Variants in MYL12A observed in about 807,000 individuals in gnomAD.
MYL12A encodes the protein myosin light chain 12A.
In MYL12A, 11 loss-of-function variants were observed where a neutral mutation model predicts 13.3. That is an observed-to-expected ratio of 0.83 (90% CI 0.52 to 1.37). The LOEUF (loss-of-function observed/expected upper bound fraction) is 1.37. Ranked by LOEUF, MYL12A falls within the 40% of genes most tolerant of loss-of-function variation. The pLI is 0.00. For synonymous variants in MYL12A, 51 were observed against 69.9 expected (o/e 0.73, Z 1.35); for missense variants, 146 against 212.3 (o/e 0.69, Z 1.94).
At position 3,253,957 on chromosome 18, in the gene MYL12A, A is replaced by T. The variant is rs754593100; in HGVS notation, c.250A>T (p.Met84Leu). 6.2e-7 allele frequency: 1 copy of T among 1,613,912 alleles called. No homozygotes were observed. Among genetic ancestry groups the T allele is most frequent in the Admixed American group, 1.7e-5 (1 of 60,004 alleles). ...GGCTCCAGGCCCCATCAATTTCACC[A>T]TGTTCCTCACCATGTTTGGTGAGAA... ...NEAPGPINFT[M>L]FLTMFGEKLN... Residue 84 changes from methionine (M) to leucine (L), a missense_variant, in exon 3 of 4, where the codon ATG (methionine) becomes TTG (leucine). Physicochemically the swap from Met to Leu is conservative, Grantham distance 15 (BLOSUM62 2). Transcript: ENST00000217652.
chr18:3,255,588 C>G (rs1358428143), intron 3 of MYL12A, 158 bp from the exon 4 acceptor site: 14 of 888,990 alleles, frequency 1.6e-5, no homozygotes, highest in Admixed American at 3.5e-5. Context: ...AGGCACTTCT[C>G]TGCTGAGGCT....
At chr18:3,252,861 C>T (rs375788135) in intron 1 of MYL12A, among the ~76,000 whole-genome samples, 17 of 152,162 alleles carry the variant, frequency 1.1e-4, no homozygotes, top group East Asian at 1.9e-4. Context: ...TTCTGTCCAC[C>T]GTACTATGGA....
intron 3 of MYL12A, chr18:3,255,529 A>G (rs2081527731): frequency 2.2e-6 from 1 of 458,024 alleles, no homozygotes; most frequent in Non-Finnish European, 3.7e-6. Context: ...AGAATGATAG[A>G]GCAAATGATA....
chr18:3,252,624 T>G, intron 1 of MYL12A: 1 of 439,638 alleles, frequency 2.3e-6, no homozygotes. Flanking sequence ...AGAAACTGGT[T>G]TGGATAGAGT....
In MYL12A at chr18:3,255,753, A is replaced by G; in HGVS notation, c.351A>G (p.Ile117Met). ...ACFDEEATGT[I>M]QEDYLRELLT... ...TTGTTCTTTATTCTCCAGGCACCATACAGGAAGATTACTTGAGAGAGCTGC... is the reference window on the plus strand; with the variant it reads ...TTGTTCTTTATTCTCCAGGCACCATGCAGGAAGATTACTTGAGAGAGCTGC... The change falls in exon 4 of 4, where the codon ATA becomes ATG. Residue 117 changes from isoleucine (I) to methionine (M), a missense_variant. By Grantham distance (10) the Ile-to-Met change is conservative. Transcript: ENST00000217652. 2 of 1,612,894 alleles carry G rather than the reference A, an allele frequency of 1.2e-6. No homozygotes were observed. Among genetic ancestry groups the G allele is most frequent in the Middle Eastern group, 1.7e-4 (1 of 6,054 alleles).
chr18:3,250,594 T>G (rs967910551), intron 1 of MYL12A, among the ~76,000 whole-genome samples: 1 of 152,200 alleles, frequency 6.6e-6, no homozygotes, highest in South Asian at 2.1e-4. Flanking sequence ...TCCAGCCTCC[T>G]TGAAAAAGTA....
Position 3,255,933 on chromosome 18 carries a change from C to G in MYL12A, c.*15C>G, listed in dbSNP as rs370165204. On this transcript the variant is annotated 3_prime_UTR_variant, in exon 4 of 4. Coordinates refer to ENST00000217652, the MANE Select transcript of MYL12A (RefSeq NM_006471.4). Reference sequence around the variant, plus strand: ...AAGATGACTGAAATAACTTCAAATTCCAGCCAAACGTTCCTTGTTGCCACT... The same window carrying G: ...AAGATGACTGAAATAACTTCAAATTGCAGCCAAACGTTCCTTGTTGCCACT... The G allele has an allele frequency of 5.6e-6, 9 of 1,612,194 alleles. No homozygotes were observed. The highest frequency in any genetic ancestry group is 1.7e-5 in the Admixed American group (1 of 59,782).
chr18:3,251,070 T>TA (rs1041063310), intron 1 of MYL12A, among the ~76,000 whole-genome samples: 3 of 150,720 alleles, frequency 2.0e-5, no homozygotes, highest in African/African-American at 4.9e-5. Context: ...AACTTCATAA[T>TA]AAAATTGATA....
intron 3 of MYL12A, 127 bp from the exon 4 acceptor site, chr18:3,255,619 C>T (rs1339265230): frequency 4.9e-6 from 6 of 1,217,574 alleles, no homozygotes; most frequent in Non-Finnish European, 1.1e-6. Flanking sequence ...GGTGGACACC[C>T]TGTAGTTCAT....
At chr18:3,253,710 C>T (rs2081510116) in intron 2 of MYL12A, 179 bp from the exon 3 acceptor site, 1 of 737,470 alleles carries the variant, frequency 1.4e-6, no homozygotes, top group Non-Finnish European at 2.2e-6. Context: ...CATATACTTT[C>T]CAGACTCTTT....
chr18:3,253,124 C>T (rs1019900803), intron 1 of MYL12A, 109 bp from the exon 2 acceptor site: 3 of 1,213,406 alleles, frequency 2.5e-6, no homozygotes, highest in Non-Finnish European at 3.5e-6. Context: ...GTAGCTCAAA[C>T]ATATCAGGAA....
intron 1 of MYL12A, among the ~76,000 whole-genome samples, chr18:3,251,473 C>G (rs2081484891): frequency 6.6e-6 from 1 of 152,222 alleles, no homozygotes; most frequent in African/African-American, 2.4e-5. Flanking sequence ...CTTTGGCTTG[C>G]AAAGGCGTGA....
chr18:3,248,161 C>T (rs2289608), intron 1 of MYL12A: 84,557 of 152,092 alleles, frequency 0.56, 25,909 homozygotes, highest in Non-Finnish European at 0.69. Context: ...GACTGCCGGG[C>T]CCGCGAAACC....
intron 1 of MYL12A, chr18:3,252,515 A>T: frequency 8.2e-7 from 1 of 1,225,570 alleles, no homozygotes; most frequent in Non-Finnish European, 1.1e-6. Flanking sequence ...TACGTTTAAG[A>T]TGTTTTCTAA....
intron 1 of MYL12A, 38 bp from the exon 2 acceptor site, chr18:3,253,195 G>T (rs1342960613): frequency 3.2e-6 from 5 of 1,557,014 alleles, no homozygotes; most frequent in Non-Finnish European, 4.4e-6. Flanking sequence ...AATCTTAGAT[G>T]TTGATTTGGT....
rs983859872 is a variant in MYL12A, at chr18:3,252,296, C to G, written c.-15-937C>G. On this transcript the variant is annotated intron_variant, in intron 1 of 3. Coordinates refer to ENST00000217652, the MANE Select transcript of MYL12A (RefSeq NM_006471.4). ...TTTTGCTGCTGAGCGGTTTTGCAGA[C>G]TACCATCTTCCCTGCAACTCTGAAG... The G allele has an allele frequency of 9.1e-6, 14 of 1,530,500 alleles. No homozygotes were observed. The African/African-American group carries it at 1.8e-4, about 20-fold the overall frequency. The allele number at this position is 1,530,500 out of a possible 1,614,324, so 94.8% of individuals were successfully genotyped here.
At chr18:3,253,026 G>A (rs769609654) in intron 1 of MYL12A, among the ~76,000 whole-genome samples, 1 of 152,132 alleles carries the variant, frequency 6.6e-6, no homozygotes, top group Non-Finnish European at 1.5e-5. Context: ...CAAATCAGCA[G>A]ATTTGGTTAT....
intron 1 of MYL12A, among the ~76,000 whole-genome samples, chr18:3,251,448 A>G (rs963366597): frequency 1.3e-5 from 2 of 152,206 alleles, no homozygotes; most frequent in Non-Finnish European, 2.9e-5. Context: ...AAAACAGACT[A>G]TTTTTAAAGA....
chr18:3,256,047 A>G lies in MYL12A; in HGVS notation c.*129A>G, dbSNP rs1598800052. The G allele has an allele frequency of 8.4e-7, 1 of 1,189,206 alleles. No individual in the cohort carries two copies. The highest frequency in any genetic ancestry group is 1.2e-6 in the Non-Finnish European group (1 of 848,850). 73.7% of individuals were successfully genotyped at this position (1,189,206 alleles called of 1,614,324 possible). On this transcript the variant is annotated 3_prime_UTR_variant, in exon 4 of 4. Transcript: ENST00000217652. ...ATTTATTCTCAGCCATTTTGGGCAT[A>G]TGTATCTTTATAATCAGACTGGAAA...
Sources: gnomAD v4.1 joint callset for allele counts (sites outside exome capture counted in the v4.1 genomes callset) on GRCh38, gnomAD v4.1.1 for gene constraint, MANE v1.5 for transcripts, NCBI Gene and HGNC (gene_info 2026-07-23, HGNC 2026-07-21) for gene names.